PICALM: variants seen among roughly 807,000 people sequenced by gnomAD.
The protein encoded by PICALM is phosphatidylinositol binding clathrin assembly protein.
PICALM carries 40 observed loss-of-function variants against 80.5 expected under a neutral mutation model. The ratio of observed to expected loss-of-function variants is 0.50; its 90% confidence interval spans 0.39 to 0.65. The LOEUF (loss-of-function observed/expected upper bound fraction) is 0.65. PICALM is among the 30% of genes least tolerant of loss of function. PICALM has a pLI of 0.00. For synonymous variants in PICALM, 288 were observed against 260.3 expected (o/e 1.11, Z -1.02); for missense variants, 676 against 778.9 (o/e 0.87, Z 1.57).
intron 2 of PICALM, 131 bp downstream of exon 2, chr11:86,031,337 GT>G: frequency 1.5e-6 from 1 of 649,690 alleles, no homozygotes; most frequent in South Asian, 2.3e-5. Flanking sequence ...AAATTACAGG[GT>G]CTATAATTAT....
At chr11:86,068,614 G>T (rs1440454596) in intron 1 of PICALM, 37 bp downstream of exon 1, 2 of 1,588,696 alleles carry the variant, frequency 1.3e-6, no homozygotes, top group Non-Finnish European at 8.6e-7. Context: ...GGTCGCGCGG[G>T]CGCCGGGGAG....
chr11:85,960,476 G>A (rs1268238481), intron 19 of PICALM, among the ~76,000 whole-genome samples: 1 of 152,142 alleles, frequency 6.6e-6, no homozygotes, highest in Non-Finnish European at 1.5e-5. Context: ...AAATAATTAT[G>A]TTACAGATAT....
chr11:85,968,913 A>G (rs1376346959), intron 19 of PICALM, among the ~76,000 whole-genome samples: 1 of 151,922 alleles, frequency 6.6e-6, no homozygotes, highest in African/African-American at 2.4e-5. Flanking sequence ...AAACAATTCC[A>G]TGAAAATATC....
intron 19 of PICALM, among the ~76,000 whole-genome samples, chr11:85,970,865 T>C (rs997107070): frequency 2.0e-5 from 3 of 152,186 alleles, no homozygotes; most frequent in Non-Finnish European, 2.9e-5. Flanking sequence ...TTACAAATAC[T>C]GCCTACAAAA....
At chr11:86,046,078 C>T (rs1190331084) in intron 1 of PICALM, among the ~76,000 whole-genome samples, 4 of 152,152 alleles carry the variant, frequency 2.6e-5, no homozygotes, top group African/African-American at 9.7e-5. Flanking sequence ...AAGTTAATTT[C>T]TCCCATTAAA....
rs887922458 is a variant in PICALM at position 85,981,321 on chromosome 11, T to C, written c.1680-93A>G. ...TATAGAACAGAGTAAGATAGAGACT[T>C]GAGGCTGGGCGTGGTGGCTCATGCC... On this transcript the variant is annotated intron_variant, in intron 16 of 19. Coordinates refer to ENST00000393346, the MANE Select transcript of PICALM (RefSeq NM_007166.4). The C allele has an allele frequency of 5.6e-5, 43 of 763,450 alleles. No individual in the cohort carries two copies. In the African/African-American group the frequency reaches 6.3e-4, roughly 11 times the overall value. 47.3% of individuals were successfully genotyped at this position (763,450 alleles called of 1,614,324 possible). A position where few individuals can be genotyped will look rare whatever the true frequency, so the allele number is the denominator to read the frequency against.
At chr11:85,962,847 G>A (rs1237562634) in intron 19 of PICALM, among the ~76,000 whole-genome samples, 1 of 152,136 alleles carries the variant, frequency 6.6e-6, no homozygotes, top group East Asian at 1.9e-4. Flanking sequence ...CCAAGGAGTG[G>A]GACATACAGC....
intron 1 of PICALM, among the ~76,000 whole-genome samples, chr11:86,048,959 T>C (rs1227047331): frequency 6.6e-6 from 1 of 151,764 alleles, no homozygotes; most frequent in African/African-American, 2.4e-5. Context: ...TGGGTATATC[T>C]TCCAATTCTG....
intron 19 of PICALM, among the ~76,000 whole-genome samples, chr11:85,959,726 GTCGCC>G (rs1051962155): frequency 6.7e-6 from 1 of 149,256 alleles, no homozygotes; most frequent in Non-Finnish European, 1.5e-5. Context: ...ACTGCAGACA[GTCGCC>G]ACCACACCTG....
At chr11:86,007,463 G>A (rs1343930103) in intron 8 of PICALM, 79 bp downstream of exon 8, 3 of 797,108 alleles carry the variant, frequency 3.8e-6, no homozygotes, top group African/African-American at 3.5e-5. Context: ...GACAATGGGG[G>A]CTATATGTTA....
chr11:86,041,688 C>T (rs117567711), intron 1 of PICALM, among the ~76,000 whole-genome samples: 141 of 152,264 alleles, frequency 9.3e-4, no homozygotes, highest in Non-Finnish European at 1.7e-3. Flanking sequence ...TTTAAAAGTG[C>T]AAACTAAATT....
At chr11:86,065,473 G>T (rs1027320071) in intron 1 of PICALM, among the ~76,000 whole-genome samples, 4 of 152,126 alleles carry the variant, frequency 2.6e-5, no homozygotes, top group Middle Eastern at 3.4e-3. Context: ...TTTCTATCCT[G>T]CAATAATTAT....
chr11:86,058,716 TATC>T (rs1183035313), intron 1 of PICALM, among the ~76,000 whole-genome samples: 2 of 152,216 alleles, frequency 1.3e-5, no homozygotes, highest in Admixed American at 6.5e-5. Flanking sequence ...TACATTTTGA[TATC>T]ATCTGTTAAG....
chr11:86,054,315 T>G (rs2096237797), intron 1 of PICALM, among the ~76,000 whole-genome samples: 1 of 152,196 alleles, frequency 6.6e-6, no homozygotes, highest in Non-Finnish European at 1.5e-5. Flanking sequence ...CATTGCTAGT[T>G]TCACAGCACT....
chr11:85,976,876 C>T (rs1208628033), intron 17 of PICALM, 194 bp from the exon 18 acceptor site: 2 of 493,136 alleles, frequency 4.1e-6, no homozygotes, highest in East Asian at 6.5e-5. Flanking sequence ...GAAAAGCAGA[C>T]TTATTAGAAG....
chr11:85,966,324 A>G (rs1171143177), intron 19 of PICALM, among the ~76,000 whole-genome samples: 1 of 152,142 alleles, frequency 6.6e-6, no homozygotes, highest in East Asian at 1.9e-4. Flanking sequence ...CTTCCACTTT[A>G]GCCTCCAAAA....
At chr11:85,960,807 AG>A (rs2093663009) in intron 19 of PICALM, 1 of 1,013,340 alleles carries the variant, frequency 9.9e-7, no homozygotes, top group Non-Finnish European at 1.3e-6. Flanking sequence ...AGAGAGGGAA[AG>A]AAAAAAAGAT....
intron 2 of PICALM, among the ~76,000 whole-genome samples, chr11:86,026,730 T>A (rs1388159865): frequency 2.7e-5 from 4 of 149,726 alleles, no homozygotes; most frequent in South Asian, 2.1e-4. Context: ...GTTTTGGCTT[T>A]AAAAAAAAAA....
At chr11:86,052,146 GAC>G (rs2096200144) in intron 1 of PICALM, among the ~76,000 whole-genome samples, 1 of 152,118 alleles carries the variant, frequency 6.6e-6, no homozygotes. Flanking sequence ...GAATCATAGC[GAC>G]AGTTTCTCCC....
Sources: gnomAD v4.1 joint callset for allele counts (sites outside exome capture counted in the v4.1 genomes callset) on GRCh38, gnomAD v4.1.1 for gene constraint, MANE v1.5 for transcripts, NCBI Gene and HGNC (gene_info 2026-07-23, HGNC 2026-07-21) for gene names.